IPMK: variants seen among roughly 807,000 people sequenced by gnomAD.
IPMK encodes the protein inositol polyphosphate multikinase, also known as inositol 1,3,4,6-tetrakisphosphate 5-kinase.
In IPMK, 17 loss-of-function variants were observed where a neutral mutation model predicts 45.8. The observed-to-expected ratio is 0.37, with a 90% CI of 0.25 to 0.56. The LOEUF (loss-of-function observed/expected upper bound fraction) is 0.56. Among genes scored for constraint, IPMK ranks in the 20% least tolerant of loss-of-function variants. The pLI is 0.79. For synonymous variants in IPMK, 180 were observed against 184.3 expected (o/e 0.98, Z 0.19); for missense variants, 399 against 498.0 (o/e 0.80, Z 1.89).
chr10:58,238,509 C>A (rs142291850), intron 1 of IPMK, among the ~76,000 whole-genome samples: 1 of 152,152 alleles, frequency 6.6e-6, no homozygotes, highest in South Asian at 2.1e-4. Context: ...CAAATTTATA[C>A]GTCAAAATCT....
Position 58,195,029 on chromosome 10 carries a change from A to T in IPMK, c.*1047T>A, listed in dbSNP as rs1484954942. 6.6e-6 allele frequency: 1 copy of T among 152,004 alleles called. No individual in the cohort carries two copies. The highest frequency in any genetic ancestry group is 1.5e-5 in the Non-Finnish European group (1 of 67,874). 9.4% of individuals were successfully genotyped at this position (152,004 alleles called of 1,614,324 possible). On this transcript the variant is annotated 3_prime_UTR_variant, in exon 6 of 6. Transcript: ENST00000373935. ...TGAATATAGATACGCACCAAACCCT[A>T]TATTACGGACTAATTTACACACAGT...
chr10:58,254,669 T>A (rs1002035720), intron 1 of IPMK, among the ~76,000 whole-genome samples: 2 of 152,228 alleles, frequency 1.3e-5, no homozygotes, highest in African/African-American at 4.8e-5. Flanking sequence ...CTCTTCTAGT[T>A]TTTGCAGGTG....
At chr10:58,226,748 G>A (rs551405998) in intron 3 of IPMK, among the ~76,000 whole-genome samples, 8 of 152,204 alleles carry the variant, frequency 5.3e-5, no homozygotes, top group African/African-American at 1.9e-4. Context: ...AATGGGAAAA[G>A]AAACTACACA....
intron 2 of IPMK, among the ~76,000 whole-genome samples, chr10:58,234,693 G>T (rs1838581210): frequency 6.6e-6 from 1 of 152,130 alleles, no homozygotes; most frequent in Non-Finnish European, 1.5e-5. Context: ...TTAAATGTTA[G>T]ACCTAAAACC....
chr10:58,208,937 T>C (rs980351925), intron 4 of IPMK, among the ~76,000 whole-genome samples: 3 of 152,132 alleles, frequency 2.0e-5, no homozygotes, highest in African/African-American at 7.2e-5. Flanking sequence ...TGCTGAGGAT[T>C]TATCAGAGTG....
intron 1 of IPMK, among the ~76,000 whole-genome samples, chr10:58,243,578 T>C (rs1411641815): frequency 6.6e-6 from 1 of 152,214 alleles, no homozygotes; most frequent in African/African-American, 2.4e-5. Context: ...CCGTGTTGAC[T>C]GGGCTGGTCT....
intron 2 of IPMK, 44 bp from the exon 3 acceptor site, chr10:58,227,183 T>C (rs764807527): frequency 3.6e-5 from 48 of 1,336,004 alleles, no homozygotes; most frequent in Admixed American, 3.4e-4. Flanking sequence ...TACAATGCTT[T>C]GTAACTGCCC....
intron 4 of IPMK, among the ~76,000 whole-genome samples, chr10:58,207,232 T>C (rs939718573): frequency 6.6e-6 from 1 of 152,232 alleles, no homozygotes; most frequent in Non-Finnish European, 1.5e-5. Context: ...CTCGATCTCC[T>C]GACCTTGTGA....
At chr10:58,239,604 C>A (rs573875929) in intron 1 of IPMK, among the ~76,000 whole-genome samples, 1 of 152,240 alleles carries the variant, frequency 6.6e-6, no homozygotes, top group South Asian at 2.1e-4. Flanking sequence ...AATCCCAACA[C>A]AAAAAGAGAT....
At chr10:58,240,509 T>C (rs375140840) in intron 1 of IPMK, among the ~76,000 whole-genome samples, 227 of 151,900 alleles carry the variant, frequency 1.5e-3, no homozygotes, top group Non-Finnish European at 2.8e-3. Flanking sequence ...AGTTTCCACC[T>C]AGGATATAGA....
chr10:58,199,386 C>T, intron 4 of IPMK, 65 bp from the exon 5 acceptor site: 1 of 998,732 alleles, frequency 1.0e-6, no homozygotes, highest in Non-Finnish European at 1.4e-6. Context: ...TTATCCCAGC[C>T]ACAAGGGTGG....
rs1313333440 is a variant in IPMK at position 58,244,741 on chromosome 10, C to G, written c.191-6927G>C. ...GGGATGCTGTTAATCTATAACCTTA[C>G]CCCCAACCCCCTGCTCTCTGAAACA... is the stretch of plus-strand genomic sequence containing the variant. On this transcript the variant is annotated intron_variant, in intron 1 of 5. Transcript: ENST00000373935. Among the ~76,000 whole-genome samples the G allele has an allele frequency of 4.6e-5, 7 of 152,216 alleles. No individual in the cohort carries two copies. In the East Asian group the frequency reaches 1.4e-3, roughly 29 times the overall value.
At chr10:58,250,286 T>C (rs1588970556) in intron 1 of IPMK, among the ~76,000 whole-genome samples, 1 of 152,368 alleles carries the variant, frequency 6.6e-6, no homozygotes, top group East Asian at 1.9e-4. Context: ...ACGAACATTT[T>C]AATATTAATT....
At chr10:58,205,125 T>C in intron 4 of IPMK, among the ~76,000 whole-genome samples, 1 of 152,156 alleles carries the variant, frequency 6.6e-6, no homozygotes, top group African/African-American at 2.4e-5. Flanking sequence ...ATTATAACAT[T>C]CTTACAAGAA....
At chr10:58,259,250 AG>A (rs1312967446) in intron 1 of IPMK, among the ~76,000 whole-genome samples, 1 of 152,214 alleles carries the variant, frequency 6.6e-6, no homozygotes, top group Non-Finnish European at 1.5e-5. Context: ...GGCTCATTTC[AG>A]GGCCGAGACA....
At chr10:58,225,006 C>T (rs1374536143) in intron 3 of IPMK, among the ~76,000 whole-genome samples, 1 of 152,130 alleles carries the variant, frequency 6.6e-6, no homozygotes, top group East Asian at 1.9e-4. Flanking sequence ...ACAGTTTTGT[C>T]CCACTTCTTC....
At chr10:58,217,441 C>A (rs1330201406) in intron 3 of IPMK, among the ~76,000 whole-genome samples, 5 of 151,490 alleles carry the variant, frequency 3.3e-5, no homozygotes, top group Non-Finnish European at 7.4e-5. Context: ...GTAATCCCAG[C>A]ACTTTGGGAG....
intron 4 of IPMK, among the ~76,000 whole-genome samples, chr10:58,203,097 G>A (rs1409606940): frequency 6.6e-6 from 1 of 152,098 alleles, no homozygotes; most frequent in South Asian, 2.1e-4. Context: ...CATGGGAGGA[G>A]GTCAAAATAT....
At chr10:58,263,366 A>G (rs1327507251) in intron 1 of IPMK, among the ~76,000 whole-genome samples, 1 of 151,510 alleles carries the variant, frequency 6.6e-6, no homozygotes. Flanking sequence ...TCTACTAAAA[A>G]TACAAAAATT....
Sources: allele counts gnomAD v4.1 joint callset (sites outside exome capture counted in the v4.1 genomes callset), GRCh38; gene constraint gnomAD v4.1.1; transcripts MANE v1.5; gene names NCBI Gene and HGNC (gene_info 2026-07-23, HGNC 2026-07-21).